The following CADPS variants were observed in gnomAD, a reference collection of about 807,000 sequenced individuals.
The protein encoded by CADPS is calcium-dependent secretion activator 1.
CADPS carries 57 observed loss-of-function variants against 167.3 expected under a neutral mutation model. The observed-to-expected ratio is 0.34, with a 90% CI of 0.28 to 0.42. CADPS has a LOEUF of 0.42. Among genes scored for constraint, CADPS ranks in the 20% least tolerant of loss-of-function variants. CADPS has a pLI of 1.00. For synonymous variants in CADPS, 676 were observed against 635.3 expected (o/e 1.06, Z -0.96); for missense variants, 1,414 against 1,738.1 (o/e 0.81, Z 3.32).
In CADPS at chr3:62,602,449, A is replaced by G. The variant is rs371785795; in HGVS notation, c.1326-9701T>C. On this transcript the variant is annotated intron_variant, in intron 6 of 29. Transcript: ENST00000383710. The surrounding 1 kb of genome is among the most constrained non-coding windows in gnomAD (Gnocchi z 4.4). ...CAAGAGAGAAGTGTCATTTCAAGGA[A>G]TGAAAGTGCCGTGGTCCTGTTGCTA... Among the ~76,000 whole-genome samples, 601 of 152,290 alleles carry G rather than the reference A, an allele frequency of 3.9e-3. 4 individuals carry two copies. The highest frequency in any genetic ancestry group is 6.8e-3 in the Middle Eastern group (2 of 294).
Position 62,867,895 on chromosome 3 carries a change from G to A in CADPS, c.441+6694C>T, listed in dbSNP as rs75678528. ...CCCATTTCATTCATGAGTAAACTGA[G>A]CCTCAGAGAGGTTAATTGTCTAAGA... On this transcript the variant is annotated intron_variant, in intron 1 of 29. Coordinates refer to ENST00000383710, the MANE Select transcript of CADPS (RefSeq NM_003716.4). 3.9e-5 allele frequency among the ~76,000 whole-genome samples: 6 copies of A among 152,154 alleles called. No individual in the cohort carries two copies. In the East Asian group the frequency reaches 7.7e-4, roughly 20 times the overall value.
chr3:62,616,954 A>C (rs2149398854), intron 6 of CADPS, among the ~76,000 whole-genome samples: 1 of 152,338 alleles, frequency 6.6e-6, no homozygotes, highest in East Asian at 1.9e-4. Context: ...CCTGCAGACA[A>C]AAACAGACAT....
chr3:62,405,930 T>C (rs1309625554), intron 28 of CADPS, among the ~76,000 whole-genome samples: 2 of 152,148 alleles, frequency 1.3e-5, no homozygotes, highest in Admixed American at 1.3e-4. Context: ...TTCTAGAACT[T>C]TAAAATGTTA....
intron 21 of CADPS, among the ~76,000 whole-genome samples, chr3:62,484,321 A>G (rs1015849447): frequency 4.6e-5 from 7 of 152,202 alleles, no homozygotes; most frequent in Non-Finnish European, 1.0e-4. Flanking sequence ...TAAGCATAAT[A>G]TTTTACTAAT....
intron 1 of CADPS, chr3:62,779,613 T>A (rs545386630): frequency 3.7e-6 from 2 of 534,444 alleles, no homozygotes; most frequent in African/African-American, 3.9e-5. Context: ...GAGGATGAAA[T>A]CAGTGAGCTG....
chr3:62,485,168 C>A (rs907421294), intron 21 of CADPS, among the ~76,000 whole-genome samples: 1 of 152,014 alleles, frequency 6.6e-6, no homozygotes, highest in Non-Finnish European at 1.5e-5. Flanking sequence ...GCCACCCTCC[C>A]ACCTGAGTCA....
At chr3:62,469,379 A>G (rs1323605261) in intron 24 of CADPS, among the ~76,000 whole-genome samples, 2 of 152,154 alleles carry the variant, frequency 1.3e-5, no homozygotes, top group African/African-American at 4.8e-5. Context: ...GTATATATAT[A>G]TCAGTGGGGC....
intron 3 of CADPS, among the ~76,000 whole-genome samples, chr3:62,680,819 A>T (rs1235473110): frequency 6.6e-6 from 1 of 152,076 alleles, no homozygotes; most frequent in African/African-American, 2.4e-5. Flanking sequence ...TCTGTGAGAA[A>T]TAGTGACAAT....
chr3:62,557,624 C>T, intron 9 of CADPS, 111 bp from the exon 10 acceptor site: 1 of 801,590 alleles, frequency 1.2e-6, no homozygotes, highest in Non-Finnish European at 2.2e-6. Context: ...TGGGTTCAAA[C>T]TGAGTTTTGC....
In CADPS at chr3:62,399,542, G is replaced by C. The variant is rs763926479; in HGVS notation, c.3926C>G (p.Thr1309Ser). The change falls in exon 30 of 30, where the codon ACC becomes AGC. Residue 1309 changes from threonine to serine, a missense_variant. Physicochemically the swap from Thr to Ser is moderately conservative, Grantham distance 58 (BLOSUM62 1). Transcript: ENST00000383710. The surrounding 1 kb of genome is among the most constrained non-coding windows in gnomAD (Gnocchi z 5.6). ...CGTTTCATAGGTCTTGCTGTTTAAG[G>C]TGGAGTCCAGGACCCCTTGCAATCG... ...DFRLQGVLDS[T>S]LNSKTYETIR... The C allele has an allele frequency of 1.9e-6, 3 of 1,613,984 alleles. No homozygotes were observed. The highest frequency in any genetic ancestry group is 1.1e-5 in the South Asian group (1 of 91,090).
At chr3:62,473,250 T>C (rs765391397) in intron 24 of CADPS, among the ~76,000 whole-genome samples, 1 of 151,800 alleles carries the variant, frequency 6.6e-6, no homozygotes, top group East Asian at 1.9e-4. Flanking sequence ...CTGAGGAAGC[T>C]GACTTGTAGG....
intron 13 of CADPS, among the ~76,000 whole-genome samples, chr3:62,523,507 G>T (rs984476042): frequency 6.6e-6 from 1 of 152,076 alleles, no homozygotes; most frequent in African/African-American, 2.4e-5. Context: ...TATCTTTCTA[G>T]AATGGTTCTC....
chr3:62,418,721 C>A (rs552822693), intron 28 of CADPS, among the ~76,000 whole-genome samples: 2 of 152,014 alleles, frequency 1.3e-5, no homozygotes, highest in South Asian at 4.2e-4. Flanking sequence ...ACCTTCAAAA[C>A]CCTCCCACCT....
intron 6 of CADPS, among the ~76,000 whole-genome samples, chr3:62,596,568 T>G (rs1415028564): frequency 6.6e-6 from 1 of 152,170 alleles, no homozygotes; most frequent in Non-Finnish European, 1.5e-5. Flanking sequence ...ATCCATCACC[T>G]CAAATATTTA....
intron 6 of CADPS, among the ~76,000 whole-genome samples, chr3:62,635,170 G>C (rs780865018): frequency 1.3e-5 from 2 of 152,088 alleles, no homozygotes; most frequent in Admixed American, 1.3e-4. Context: ...TCCAAGTCCC[G>C]CTACATTTGG....
At chr3:62,732,135 C>T (rs1187879680) in intron 3 of CADPS, among the ~76,000 whole-genome samples, 1 of 152,176 alleles carries the variant, frequency 6.6e-6, no homozygotes, top group Admixed American at 6.5e-5. Context: ...CTAATTTTCT[C>T]TGCCTTGGTA....
At chr3:62,498,091 G>A (rs1375975017) in intron 18 of CADPS, 1 of 456,206 alleles carries the variant, frequency 2.2e-6, no homozygotes, top group East Asian at 7.0e-5. Context: ...GGTACTGGAA[G>A]GGCATGCACA....
At chr3:62,811,842 A>G (rs1208742793) in intron 1 of CADPS, among the ~76,000 whole-genome samples, 1 of 152,216 alleles carries the variant, frequency 6.6e-6, no homozygotes, top group Non-Finnish European at 1.5e-5. Flanking sequence ...TTAAAACAAC[A>G]AAAAGGACAT....
chr3:62,399,513 G>A lies in CADPS; in HGVS notation c.3955C>T (p.Arg1319Trp), dbSNP rs773337761. The change falls in exon 30 of 30, where the codon CGG becomes TGG. Residue 1319 changes from arginine (R) to tryptophan (W), a missense_variant. Around this residue, in one of 6 missense-constraint regions of CADPS, gnomAD observed 185 missense variants for 251.5 expected, o/e 0.74. Transcript: ENST00000383710. This position sits in a 1 kb window ranked among gnomAD's most constrained non-coding sequence, Gnocchi z 5.6. Reference sequence around the variant, plus strand: ...GCTTCCTCCACAGTGAGACGGTTCCGGATCGTTTCATAGGTCTTGCTGTTT... The same window carrying A: ...GCTTCCTCCACAGTGAGACGGTTCCAGATCGTTTCATAGGTCTTGCTGTTT... ...TLNSKTYETI[R>W]NRLTVEEATA... The A allele has an allele frequency of 4.3e-6, 7 of 1,614,056 alleles. No homozygotes were observed. The highest frequency in any genetic ancestry group is 5.9e-6 in the Non-Finnish European group (7 of 1,179,956).
Sources: allele counts gnomAD v4.1 joint callset (sites outside exome capture counted in the v4.1 genomes callset), GRCh38; gene constraint gnomAD v4.1.1; regional missense constraint gnomAD v4.1.1; non-coding constraint Gnocchi (gnomAD v3.1); transcripts MANE v1.5; gene names NCBI Gene and HGNC (gene_info 2026-07-23, HGNC 2026-07-21).